The following HEPHL1 variants were observed in gnomAD, a reference collection of about 807,000 sequenced individuals.
HEPHL1 encodes hephaestin like 1.
A neutral mutation model predicts 122.0 loss-of-function variants in HEPHL1; 123 were observed. That is an observed-to-expected ratio of 1.01 (90% CI 0.87 to 1.17). The LOEUF is 1.17. Among genes scored for constraint, HEPHL1 ranks in the 50% most tolerant of loss-of-function variants. The probability of loss-of-function intolerance (pLI) is 0.00; values close to 1 mark genes in which losing one functional copy is unlikely to be tolerated. For missense variants in HEPHL1, 1,452 were observed against 1,430.5 expected (o/e 1.01, Z -0.24); for synonymous variants, 527 against 508.9 (o/e 1.04, Z -0.48).
At chr11:94,060,754 A>G (rs1186758872) in intron 2 of HEPHL1, among the ~76,000 whole-genome samples, 2 of 152,202 alleles carry the variant, frequency 1.3e-5, no homozygotes, top group Non-Finnish European at 2.9e-5. Flanking sequence ...ACCATGCTGG[A>G]CCTTCTAATC....
chr11:94,040,969 A>G (rs1369295484), intron 1 of HEPHL1, among the ~76,000 whole-genome samples: 1 of 118,090 alleles, frequency 8.5e-6, no homozygotes, highest in Non-Finnish European at 1.8e-5. Flanking sequence ...TTTATCTAGA[A>G]AACCCCATCG....
chr11:94,062,251 T>TA (rs1041796671), intron 2 of HEPHL1, among the ~76,000 whole-genome samples: 5 of 152,162 alleles, frequency 3.3e-5, no homozygotes, highest in African/African-American at 9.6e-5. Flanking sequence ...CTTAACTTAA[T>TA]AAAAAATGAA....
intron 10 of HEPHL1, 54 bp from the exon 11 acceptor site, chr11:94,085,922 CT>C (rs1237938583): frequency 4.8e-6 from 6 of 1,250,464 alleles, no homozygotes; most frequent in Non-Finnish European, 5.8e-6. Flanking sequence ...ATATTTGAAG[CT>C]CCCCTGCCCC....
chr11:94,080,586 T>G (rs1334409998), intron 9 of HEPHL1, among the ~76,000 whole-genome samples: 1 of 151,988 alleles, frequency 6.6e-6, no homozygotes, highest in Non-Finnish European at 1.5e-5. Context: ...ACAAGGAACT[T>G]AAACAAATTT....
chr11:94,084,292 C>T (rs1946197994), intron 10 of HEPHL1, among the ~76,000 whole-genome samples: 1 of 151,394 alleles, frequency 6.6e-6, no homozygotes, highest in Non-Finnish European at 1.5e-5. Context: ...ATAATGGCTC[C>T]ACTGCACTCC....
At chr11:94,051,446 GTCT>G (rs1279360874) in intron 2 of HEPHL1, among the ~76,000 whole-genome samples, 1 of 152,068 alleles carries the variant, frequency 6.6e-6, no homozygotes. Flanking sequence ...CCATTTGTAT[GTCT>G]TCTTTTGAGA....
Position 94,082,540 on chromosome 11 carries a change from A to G in HEPHL1, c.1839A>G (p.Lys613=), listed in dbSNP as rs1238534023. ...WHPFSIDKED[K]EFVKSNRMHA... is the part of the protein sequence containing the mutation. ...CCTTCAGCATTGACAAAGAAGATAA[A>G]GAGTTTGTGAAATCCAACCGAATGC... Residue 613 remains lysine, a synonymous_variant, in exon 10 of 20, where the codon AAA becomes AAG. Transcript: ENST00000315765. 4 of 1,612,172 alleles carry G rather than the reference A, an allele frequency of 2.5e-6. No homozygotes were observed. Among genetic ancestry groups the G allele is most frequent in the Non-Finnish European group, 3.4e-6 (4 of 1,179,372 alleles).
chr11:94,042,706 C>T (rs1945792940), intron 1 of HEPHL1, among the ~76,000 whole-genome samples: 1 of 122,658 alleles, frequency 8.2e-6, no homozygotes, highest in South Asian at 2.7e-4. Flanking sequence ...AGGGGAATAT[C>T]ACACTTTGGG....
chr11:94,101,446 C>A, intron 14 of HEPHL1, 111 bp downstream of exon 14: 1 of 1,051,856 alleles, frequency 9.5e-7, no homozygotes, highest in Non-Finnish European at 1.4e-6. Flanking sequence ...GTGTTTCAGC[C>A]ATCATCTAGT....
intron 2 of HEPHL1, among the ~76,000 whole-genome samples, chr11:94,054,159 GC>G (rs1945915488): frequency 6.6e-6 from 1 of 152,182 alleles, no homozygotes; most frequent in Non-Finnish European, 1.5e-5. Context: ...CAAAGCACAG[GC>G]ACAGAGCCCT....
chr11:94,025,262 C>A (rs1252376216), intron 1 of HEPHL1, among the ~76,000 whole-genome samples: 1 of 152,126 alleles, frequency 6.6e-6, no homozygotes, highest in African/African-American at 2.4e-5. Context: ...ATACTTTCTC[C>A]AGATAAATAT....
Position 94,075,222 on chromosome 11 carries a change from A to G in HEPHL1, c.1553A>G (p.Tyr518Cys), listed in dbSNP as rs768308524. The change falls in exon 9 of 20, where the codon TAC (tyrosine) becomes TGC (cysteine). Residue 518 changes from tyrosine to cysteine, a missense_variant. Tyr to Cys is a radical substitution (Grantham distance 194, BLOSUM62 -2). Coordinates refer to ENST00000315765, the MANE Select transcript of HEPHL1 (RefSeq NM_001098672.2). ...AHVKPGETFT[Y>C]KWTVPESVSP... The stretch of plus-strand genomic sequence containing the variant: ...GTTAAACCAGGTGAAACCTTCACAT[A>G]CAAGTGGACAGTGCCTGAGAGCGTA... 33 of 1,613,350 alleles carry G rather than the reference A, an allele frequency of 2.0e-5. No homozygotes were observed. In the East Asian group the frequency reaches 4.9e-4, roughly 24 times the overall value.
chr11:94,051,686 T>C (rs1250699135), intron 2 of HEPHL1, among the ~76,000 whole-genome samples: 1 of 152,138 alleles, frequency 6.6e-6, no homozygotes, highest in Non-Finnish European at 1.5e-5. Context: ...GCCTGGCTTG[T>C]GGGGTATTAC....
chr11:94,071,383 A>G (rs910757260), intron 6 of HEPHL1, among the ~76,000 whole-genome samples: 16 of 152,192 alleles, frequency 1.1e-4, no homozygotes, highest in African/African-American at 3.6e-4. Context: ...TATTCTACCA[A>G]ACGGATGCAC....
chr11:94,060,740 C>G (rs970466388), intron 2 of HEPHL1, among the ~76,000 whole-genome samples: 1 of 152,182 alleles, frequency 6.6e-6, no homozygotes, highest in African/African-American at 2.4e-5. Context: ...ATTGCCTGAG[C>G]CAGACCATGC....
intron 9 of HEPHL1, 42 bp downstream of exon 9, chr11:94,075,427 T>G: frequency 7.1e-7 from 1 of 1,416,764 alleles, no homozygotes; most frequent in African/African-American, 2.1e-5. Context: ...GGGTTGTATG[T>G]GGGAGAGATC....
chr11:94,042,254 G>C (rs2134412769), intron 1 of HEPHL1, among the ~76,000 whole-genome samples: 1 of 93,692 alleles, frequency 1.1e-5, no homozygotes, highest in South Asian at 4.5e-4. Context: ...TGGAGAAATA[G>C]GAACACTTTT....
At chr11:94,047,843 T>C (rs1428990291) in intron 2 of HEPHL1, among the ~76,000 whole-genome samples, 1 of 152,176 alleles carries the variant, frequency 6.6e-6, no homozygotes, top group Non-Finnish European at 1.5e-5. Context: ...GGCTACAAAT[T>C]CTTTTTTCAA....
intron 1 of HEPHL1, among the ~76,000 whole-genome samples, chr11:94,037,736 A>G (rs2134409423): frequency 6.6e-6 from 1 of 152,056 alleles, no homozygotes; most frequent in South Asian, 2.1e-4. Flanking sequence ...CCATCATCAA[A>G]GACGAAAAGT....
Sources: gnomAD v4.1 joint callset for allele counts (sites outside exome capture counted in the v4.1 genomes callset) on GRCh38, gnomAD v4.1.1 for gene constraint, MANE v1.5 for transcripts, NCBI Gene and HGNC (gene_info 2026-07-23, HGNC 2026-07-21) for gene names.